Variants in VPS13B observed in about 807,000 individuals in gnomAD.
VPS13B encodes the protein intermembrane lipid transfer protein VPS13B.
A neutral mutation model predicts 426.4 loss-of-function variants in VPS13B; 285 were observed. That is an observed-to-expected ratio of 0.67 (90% CI 0.61 to 0.74). The LOEUF (loss-of-function observed/expected upper bound fraction) is 0.74, where lower values mean the gene tolerates loss of function less well. Among genes scored for constraint, VPS13B ranks in the 30% least tolerant of loss-of-function variants. The probability of loss-of-function intolerance (pLI) is 0.00; values close to 1 mark genes in which losing one functional copy is unlikely to be tolerated. For synonymous variants in VPS13B, 1,676 were observed against 1,676.4 expected (o/e 1.00, Z 0.01); for missense variants, 4,537 against 4,782.6 (o/e 0.95, Z 1.51).
intron 34 of VPS13B, among the ~76,000 whole-genome samples, chr8:99,656,807 A>G (rs1342946933): frequency 6.6e-6 from 1 of 152,218 alleles, no homozygotes; most frequent in Non-Finnish European, 1.5e-5. Flanking sequence ...AAACAAAGGC[A>G]TACTTACCTC....
rs1471597707 is a variant in VPS13B, at chr8:99,876,581, A to AATT, written c.*918_*920dup. On this transcript the variant is annotated 3_prime_UTR_variant, in exon 62 of 62. Transcript: ENST00000357162. ...CAAGAACCCCAATATTAATGCTAAC[A>AATT]ATTATACCAGTCCATTTTGTTTATT... 6.6e-6 allele frequency: 1 copy of AATT among 152,174 alleles called. No individual in the cohort carries two copies. 9.4% of individuals were successfully genotyped at this position (152,174 alleles called of 1,614,324 possible). A position where few individuals can be genotyped will look rare whatever the true frequency, so the allele number is the denominator to read the frequency against.
At chr8:99,195,845 A>G (rs766343173) in intron 17 of VPS13B, among the ~76,000 whole-genome samples, 2 of 152,162 alleles carry the variant, frequency 1.3e-5, no homozygotes, top group African/African-American at 4.8e-5. Flanking sequence ...TATTCTTGGC[A>G]TCTTCATCAA....
chr8:99,148,504 C>T (rs1405915311), intron 14 of VPS13B, among the ~76,000 whole-genome samples: 1 of 151,652 alleles, frequency 6.6e-6, no homozygotes, highest in Non-Finnish European at 1.5e-5. Context: ...ATAAAATAAA[C>T]TTAATCTTGA....
At chr8:99,134,492 G>T in intron 8 of VPS13B, 140 bp from the exon 9 acceptor site, 1 of 649,752 alleles carries the variant, frequency 1.5e-6, no homozygotes, top group Non-Finnish European at 2.6e-6. Context: ...AGCTGTTTTT[G>T]TTGCACCTGC....
chr8:99,384,261 T>G lies in VPS13B; in HGVS notation c.2878T>G (p.Leu960Val), dbSNP rs1245719460. The change falls in exon 20 of 62, where the codon TTA becomes GTA. Residue 960 changes from leucine to valine, a missense_variant. This residue lies in a region of VPS13B where 4,311 missense variants were observed against 4,474.3 expected (regional missense o/e 0.96). Transcript: ENST00000357162. The part of the protein sequence containing the change: ...QGLAVNIDPI[L>V]YTWLIYQPQK... Reference sequence around the variant, plus strand: ...ACTAGCAGTTAATATTGACCCAATCTTATATACGTGGCTCATCTATCAGCC... The same window carrying G: ...ACTAGCAGTTAATATTGACCCAATCGTATATACGTGGCTCATCTATCAGCC... 35 of 1,613,912 alleles carry G rather than the reference T, an allele frequency of 2.2e-5. No homozygotes were observed. The highest frequency in any genetic ancestry group is 2.8e-5 in the Non-Finnish European group (33 of 1,179,962).
intron 2 of VPS13B, among the ~76,000 whole-genome samples, chr8:99,018,572 CA>C (rs1196167961): frequency 2.6e-5 from 4 of 152,142 alleles, no homozygotes; most frequent in African/African-American, 9.7e-5. Context: ...TCTTTCTATC[CA>C]ATACTTGTAT....
chr8:99,037,421 A>T (rs1842797295), intron 2 of VPS13B, among the ~76,000 whole-genome samples: 1 of 152,100 alleles, frequency 6.6e-6, no homozygotes. Flanking sequence ...TAGTCTTTTT[A>T]TACAAATTTT....
chr8:99,774,791 G>C (rs186762488), intron 40 of VPS13B, among the ~76,000 whole-genome samples: 167 of 152,236 alleles, frequency 1.1e-3, no homozygotes, highest in African/African-American at 3.8e-3. Flanking sequence ...GAAATCTTTT[G>C]TTAACTCTAC....
At chr8:99,803,554 TTC>T (rs1813239765) in intron 43 of VPS13B, among the ~76,000 whole-genome samples, 1 of 152,200 alleles carries the variant, frequency 6.6e-6, no homozygotes, top group African/African-American at 2.4e-5. Flanking sequence ...GGAAATTATA[TTC>T]TATAAATGTG....
At chr8:99,121,585 A>C in intron 8 of VPS13B, 140 bp downstream of exon 8, 6 of 1,458,694 alleles carry the variant, frequency 4.1e-6, no homozygotes, top group Non-Finnish European at 5.4e-6. Flanking sequence ...TACTTCATAA[A>C]ATTACATGGC....
intron 25 of VPS13B, among the ~76,000 whole-genome samples, chr8:99,495,573 G>A (rs1352629668): frequency 1.3e-5 from 2 of 152,226 alleles, no homozygotes; most frequent in Middle Eastern, 3.4e-3. Context: ...CCTGTCCTCT[G>A]ACAAAGACAT....
intron 17 of VPS13B, among the ~76,000 whole-genome samples, chr8:99,238,822 A>C (rs145316454): frequency 6.6e-6 from 1 of 152,194 alleles, no homozygotes; most frequent in East Asian, 1.9e-4. Context: ...CATTCTAGTG[A>C]TATATCTAAA....
chr8:99,581,495 A>C (rs1161883448), intron 33 of VPS13B, among the ~76,000 whole-genome samples: 1 of 152,166 alleles, frequency 6.6e-6, no homozygotes, highest in Non-Finnish European at 1.5e-5. Flanking sequence ...AGGCCACTAG[A>C]CCAATGGGCC....
At chr8:99,489,089 G>A (rs1302775878) in intron 25 of VPS13B, among the ~76,000 whole-genome samples, 1 of 152,076 alleles carries the variant, frequency 6.6e-6, no homozygotes, top group Non-Finnish European at 1.5e-5. Flanking sequence ...TCCAGTTTCA[G>A]CTTTCTACAT....
In VPS13B at chr8:99,036,432, CT is replaced by C. The variant is rs1842751186; in HGVS notation, c.148-1985del. Among the ~76,000 whole-genome samples, 4 of 152,104 alleles carry C rather than the reference CT, an allele frequency of 2.6e-5. No individual in the cohort carries two copies. In the South Asian group the frequency reaches 8.3e-4, roughly 32 times the overall value. ...AGGGAAAAGAATGAAAAGAAAATTC[CT>C]TTTTTGGTTATCTTAAGGAAGATCC... On this transcript the variant is annotated intron_variant, in intron 2 of 61. Coordinates refer to ENST00000357162, the MANE Select transcript of VPS13B (RefSeq NM_152564.5).
At chr8:99,233,592 C>T (rs1189007182) in intron 17 of VPS13B, 2 of 1,219,990 alleles carry the variant, frequency 1.6e-6, no homozygotes, top group African/African-American at 1.5e-5. Flanking sequence ...GCCAGCATAT[C>T]ATTTTCAAAG....
chr8:99,036,907 G>A (rs1842772384), intron 2 of VPS13B, among the ~76,000 whole-genome samples: 1 of 152,130 alleles, frequency 6.6e-6, no homozygotes, highest in Non-Finnish European at 1.5e-5. Context: ...TGCCATGGCT[G>A]TGGAATAATA....
intron 14 of VPS13B, among the ~76,000 whole-genome samples, chr8:99,151,857 A>G (rs1378862926): frequency 6.6e-6 from 1 of 152,106 alleles, no homozygotes; most frequent in African/African-American, 2.4e-5. Flanking sequence ...TTTAAAAATT[A>G]TCATTTTAGT....
At chr8:99,172,195 CAA>C (rs1812378479) in intron 16 of VPS13B, among the ~76,000 whole-genome samples, 1 of 152,172 alleles carries the variant, frequency 6.6e-6, no homozygotes, top group African/African-American at 2.4e-5. Context: ...AATATAGTCT[CAA>C]ATTCACTTTG....
Sources: allele counts gnomAD v4.1 joint callset (sites outside exome capture counted in the v4.1 genomes callset), GRCh38; gene constraint gnomAD v4.1.1; regional missense constraint gnomAD v4.1.1; transcripts MANE v1.5; gene names NCBI Gene and HGNC (gene_info 2026-07-23, HGNC 2026-07-21).